The following PRKCE variants were observed in gnomAD, a reference collection of about 807,000 sequenced individuals.
PRKCE encodes the protein protein kinase C epsilon type.
PRKCE carries 16 observed loss-of-function variants against 85.4 expected under a neutral mutation model. That is an observed-to-expected ratio of 0.19 (90% confidence interval 0.13 to 0.28). The LOEUF is 0.28. Among genes scored for constraint, PRKCE ranks in the 10% least tolerant of loss-of-function variants. PRKCE has a pLI of 1.00. For synonymous variants in PRKCE, 388 were observed against 371.5 expected (o/e 1.04, Z -0.51); for missense variants, 573 against 975.2 (o/e 0.59, Z 5.49).
At chr2:45,982,914 C>T (rs190815803) in intron 5 of PRKCE, among the ~76,000 whole-genome samples, 1 of 152,180 alleles carries the variant, frequency 6.6e-6, no homozygotes, top group African/African-American at 2.4e-5. Context: ...TCCTGAGAGA[C>T]CAAGACTCTA....
chr2:45,921,930 T>C (rs747330449), intron 2 of PRKCE, among the ~76,000 whole-genome samples: 31 of 152,172 alleles, frequency 2.0e-4, no homozygotes, highest in Admixed American at 4.6e-4. Flanking sequence ...GTAGTGGAGA[T>C]AGGATTATAT....
chr2:46,091,269 C>T (rs1302319301), intron 11 of PRKCE, among the ~76,000 whole-genome samples: 1 of 152,172 alleles, frequency 6.6e-6, no homozygotes, highest in African/African-American at 2.4e-5. Context: ...CACTTGTAGG[C>T]ACTGTGGGAG....
At chr2:46,088,181 G>A (rs1431317862) in intron 11 of PRKCE, among the ~76,000 whole-genome samples, 1 of 152,140 alleles carries the variant, frequency 6.6e-6, no homozygotes, top group Admixed American at 6.5e-5. Flanking sequence ...CATGAGTTGG[G>A]GGTCACTTTA....
At chr2:46,020,637 G>A (rs1332276017) in intron 10 of PRKCE, among the ~76,000 whole-genome samples, 2 of 152,186 alleles carry the variant, frequency 1.3e-5, no homozygotes, top group East Asian at 3.9e-4. Context: ...AAAAGTGTGT[G>A]TTTAAACCTT....
intron 2 of PRKCE, among the ~76,000 whole-genome samples, chr2:45,959,534 T>C (rs907114824): frequency 5.9e-5 from 9 of 152,184 alleles, no homozygotes; most frequent in African/African-American, 2.2e-4. Context: ...CTTTGTGGCC[T>C]CAGTATTGAG....
intron 1 of PRKCE, among the ~76,000 whole-genome samples, chr2:45,750,362 T>C (rs1558630691): frequency 6.6e-6 from 1 of 152,232 alleles, no homozygotes. Context: ...GTATTTTATA[T>C]AGATGGAATA....
intron 2 of PRKCE, among the ~76,000 whole-genome samples, chr2:45,865,418 GAGAATATCT>G (rs1693512650): frequency 6.6e-6 from 1 of 152,204 alleles, no homozygotes; most frequent in Non-Finnish European, 1.5e-5. Flanking sequence ...ACTCAAGGTT[GAGAATATCT>G]CTCTTAAGGT....
At chr2:45,720,914 C>T (rs113894509) in intron 1 of PRKCE, among the ~76,000 whole-genome samples, 14 of 152,224 alleles carry the variant, frequency 9.2e-5, no homozygotes, top group African/African-American at 3.4e-4. Context: ...CGAGACCAGC[C>T]TGGCCAATAT....
At position 45,950,896 on chromosome 2, in the gene PRKCE, T is replaced by C. The variant is rs151082269; in HGVS notation, c.413-25533T>C. ...CTCAGAACTGGCTCCTCTAATTAAGTCCTGGAACTATCAGCCTCATTTCTT... is the reference window on the plus strand; with the variant it reads ...CTCAGAACTGGCTCCTCTAATTAAGCCCTGGAACTATCAGCCTCATTTCTT... On this transcript the variant is annotated intron_variant, in intron 2 of 14. Coordinates refer to ENST00000306156, the MANE Select transcript of PRKCE (RefSeq NM_005400.3). 1.1e-4 allele frequency among the ~76,000 whole-genome samples: 16 copies of C among 152,152 alleles called. 1 individual carries two copies. Among genetic ancestry groups the C allele is most frequent in the Non-Finnish European group, 1.5e-5 (1 of 68,032 alleles).
intron 8 of PRKCE, among the ~76,000 whole-genome samples, chr2:46,005,019 T>C (rs1705053482): frequency 6.6e-6 from 1 of 152,116 alleles, no homozygotes; most frequent in African/African-American, 2.4e-5. Context: ...TCCCTTGAGT[T>C]GAGTTTGACA....
intron 2 of PRKCE, among the ~76,000 whole-genome samples, chr2:45,870,593 T>C (rs778701489): frequency 6.6e-6 from 1 of 152,226 alleles, no homozygotes; most frequent in African/African-American, 2.4e-5. Context: ...CCCATTTCTC[T>C]TGAGCATCAT....
intron 2 of PRKCE, among the ~76,000 whole-genome samples, chr2:45,909,245 G>T (rs937279493): frequency 6.6e-6 from 1 of 152,156 alleles, no homozygotes; most frequent in Non-Finnish European, 1.5e-5. Context: ...GCCATTATAA[G>T]ATGAACGAAG....
chr2:45,806,156 A>AATCTAC (rs1688227027), intron 1 of PRKCE, among the ~76,000 whole-genome samples: 1 of 152,164 alleles, frequency 6.6e-6, no homozygotes, highest in Non-Finnish European at 1.5e-5. Context: ...GAAAGTTCTT[A>AATCTAC]ATCTACATCT....
intron 10 of PRKCE, among the ~76,000 whole-genome samples, chr2:46,054,186 C>G (rs2105079993): frequency 6.6e-6 from 1 of 152,314 alleles, no homozygotes; most frequent in East Asian, 1.9e-4. Flanking sequence ...CCCTAGGAGG[C>G]TGTTACTGTT....
intron 1 of PRKCE, among the ~76,000 whole-genome samples, chr2:45,702,377 A>G (rs1187423736): frequency 6.6e-6 from 1 of 152,150 alleles, no homozygotes; most frequent in Non-Finnish European, 1.5e-5. Context: ...CACCTGTGAA[A>G]TGGGGATGAT....
At chr2:45,977,526 A>G (rs551101434) in intron 3 of PRKCE, among the ~76,000 whole-genome samples, 69 of 152,104 alleles carry the variant, frequency 4.5e-4, no homozygotes, top group African/African-American at 1.6e-3. Flanking sequence ...AATCCCAGCT[A>G]CTTGGGAGGC....
At chr2:46,079,432 ATCT>A (rs1337454993) in intron 10 of PRKCE, among the ~76,000 whole-genome samples, 2 of 152,136 alleles carry the variant, frequency 1.3e-5, no homozygotes, top group Non-Finnish European at 2.9e-5. Flanking sequence ...GGCTTATATC[ATCT>A]TCTATATCCC....
At chr2:45,844,508 T>A (rs566689875) in intron 2 of PRKCE, among the ~76,000 whole-genome samples, 61 of 152,258 alleles carry the variant, frequency 4.0e-4, no homozygotes, top group African/African-American at 1.4e-3. Context: ...CCGCCCCAAT[T>A]AAGAATTAGA....
chr2:45,766,356 T>G (rs552721041), intron 1 of PRKCE, among the ~76,000 whole-genome samples: 30 of 152,340 alleles, frequency 2.0e-4, no homozygotes, highest in African/African-American at 7.2e-4. Context: ...GAAGGAAGAC[T>G]TCAGTGAGGC....
Sources: gnomAD v4.1 joint callset for allele counts (sites outside exome capture counted in the v4.1 genomes callset) on GRCh38, gnomAD v4.1.1 for gene constraint, MANE v1.5 for transcripts, NCBI Gene and HGNC (gene_info 2026-07-23, HGNC 2026-07-21) for gene names.